The following EIPR1 variants were observed in gnomAD, a reference collection of about 807,000 sequenced individuals.
EIPR1 encodes the protein EARP and GARP complex-interacting protein 1.
Under a neutral mutation model 48.1 loss-of-function variants are expected in EIPR1, and 25 were observed. The observed-to-expected ratio is 0.52, with a 90% CI of 0.38 to 0.73. The LOEUF (loss-of-function observed/expected upper bound fraction) is 0.73. EIPR1 is among the 30% of genes least tolerant of loss of function. The pLI, the probability that EIPR1 is intolerant of heterozygous loss-of-function variation, is 0.00. For missense variants in EIPR1, 415 were observed against 506.2 expected (o/e 0.82, Z 1.73); for synonymous variants, 204 against 201.9 (o/e 1.01, Z -0.09).
At chr2:3,272,248 T>G (rs971560282) in intron 3 of EIPR1, among the ~76,000 whole-genome samples, 2 of 152,250 alleles carry the variant, frequency 1.3e-5, no homozygotes, top group African/African-American at 4.8e-5. Flanking sequence ...GCAAGAAGGC[T>G]GTTTGGCTTT....
At chr2:3,196,773 C>T in intron 6 of EIPR1, 108 bp downstream of exon 6, 2 of 1,436,812 alleles carry the variant, frequency 1.4e-6, no homozygotes, top group South Asian at 2.9e-5. Flanking sequence ...TAAAGACAAA[C>T]CATGCGCCCC....
chr2:3,308,640 T>C (rs10179431), intron 3 of EIPR1, among the ~76,000 whole-genome samples: 53,514 of 152,058 alleles, frequency 0.35, 13,115 homozygotes, highest in African/African-American at 0.68. Flanking sequence ...TGAAGGACGT[T>C]GCCTACAGAT....
chr2:3,313,996 G>A (rs181268231), intron 3 of EIPR1, among the ~76,000 whole-genome samples: 2 of 152,294 alleles, frequency 1.3e-5, no homozygotes, highest in African/African-American at 4.8e-5. Context: ...TGGGACCCGG[G>A]GAGGGTGGCA....
chr2:3,199,893 TG>T lies in EIPR1; in HGVS notation c.517-2877del, dbSNP rs562250605. ...GGGTGTGTCTGCATCTGGGCAGGCA[TG>T]GGGGGTGTGTCTGCATCTGGGCACA... On this transcript the variant is annotated intron_variant, in intron 5 of 8. Transcript: ENST00000382125. Among the ~76,000 whole-genome samples, 455 of 53,210 alleles carry T rather than the reference TG, an allele frequency of 8.6e-3. 7 individuals carry two copies. Among genetic ancestry groups the T allele is most frequent in the African/African-American group, 0.033 (424 of 12,982 alleles). The allele number at this position is 53,210 out of a possible 152,430, so 34.9% of individuals were successfully genotyped here.
chr2:3,269,655 TCAATCATCACACTCAATCATCG>T (rs1667640038), intron 3 of EIPR1, among the ~76,000 whole-genome samples: 1 of 147,248 alleles, frequency 6.8e-6, no homozygotes, highest in Non-Finnish European at 1.5e-5. Flanking sequence ...ATCATCACAC[TCAATCATCACACTCAATCATCG>T]CAATCATCGC....
chr2:3,276,263 C>T (rs766988538), intron 3 of EIPR1, among the ~76,000 whole-genome samples: 10 of 152,280 alleles, frequency 6.6e-5, no homozygotes, highest in Admixed American at 2.0e-4. Context: ...TATTCTTTGA[C>T]GATTTATTGG....
At position 3,208,715 on chromosome 2, in the gene EIPR1, T is replaced by C. The variant is rs763731488; in HGVS notation, c.516+5434A>G. 9 of 1,550,040 alleles carry C rather than the reference T, an allele frequency of 5.8e-6. No homozygotes were observed. The Admixed American group carries it at 5.9e-5, about 10-fold the overall frequency. ...CCAGGAAACACTCGGCGGGTCCTTC[T>C]TCCATGCGTGAGGCTCGTGGCGGGT... On this transcript the variant is annotated intron_variant, in intron 5 of 8. Coordinates refer to ENST00000382125, the MANE Select transcript of EIPR1 (RefSeq NM_003310.5).
At chr2:3,347,587 T>G (rs1168915571) in intron 2 of EIPR1, among the ~76,000 whole-genome samples, 1 of 152,244 alleles carries the variant, frequency 6.6e-6, no homozygotes, top group Non-Finnish European at 1.5e-5. Flanking sequence ...CGGGTATGTC[T>G]TTATCAGCAG....
chr2:3,269,280 T>TC (rs1558263169), intron 3 of EIPR1, among the ~76,000 whole-genome samples: 19 of 138,420 alleles, frequency 1.4e-4, no homozygotes, highest in Non-Finnish European at 1.9e-4. Flanking sequence ...CACTCAGTCA[T>TC]GGCACTCAGT....
At position 3,236,280 on chromosome 2, in the gene EIPR1, T is replaced by G. The variant is rs573842380; in HGVS notation, c.416+21019A>C. On this transcript the variant is annotated intron_variant, in intron 4 of 8. Coordinates refer to ENST00000382125, the MANE Select transcript of EIPR1 (RefSeq NM_003310.5). ...AAAACAATGATTAAAGATGGGAAAC[T>G]GGGCTCAGAGAGTTCTGTTAAGGAA... is the stretch of plus-strand genomic sequence containing the variant. Among the ~76,000 whole-genome samples, 234 of 152,210 alleles carry G rather than the reference T, an allele frequency of 1.5e-3. 1 individual carries two copies. The highest frequency in any genetic ancestry group is 3.1e-3 in the Non-Finnish European group (210 of 67,996).
intron 3 of EIPR1, among the ~76,000 whole-genome samples, chr2:3,259,829 G>A (rs1667271571): frequency 6.6e-6 from 1 of 152,228 alleles, no homozygotes; most frequent in African/African-American, 2.4e-5. Flanking sequence ...GTGGAGAAAG[G>A]ATGGTCTTTT....
chr2:3,248,471 G>A (rs967284995), intron 4 of EIPR1, among the ~76,000 whole-genome samples: 9 of 152,218 alleles, frequency 5.9e-5, no homozygotes, highest in African/African-American at 2.2e-4. Context: ...GTGGGCGCCT[G>A]TAATCCCAGC....
intron 3 of EIPR1, among the ~76,000 whole-genome samples, chr2:3,269,217 G>A (rs923150140): frequency 2.0e-5 from 3 of 150,530 alleles, no homozygotes; most frequent in Admixed American, 6.6e-5. Flanking sequence ...CTCAATCATC[G>A]CACTCAATCA....
intron 3 of EIPR1, among the ~76,000 whole-genome samples, chr2:3,334,265 G>C (rs918307787): frequency 2.0e-5 from 3 of 152,224 alleles, no homozygotes; most frequent in Non-Finnish European, 2.9e-5. Context: ...TCTTTACAAA[G>C]AGATTTGTTA....
intron 3 of EIPR1, among the ~76,000 whole-genome samples, chr2:3,309,807 AC>A (rs1018625370): frequency 3.7e-4 from 56 of 152,026 alleles, no homozygotes; most frequent in African/African-American, 1.3e-3. Flanking sequence ...CTGTTCTAAC[AC>A]CCCCCTTACT....
At chr2:3,330,994 A>AGG (rs532577806) in intron 3 of EIPR1, among the ~76,000 whole-genome samples, 1 of 149,898 alleles carries the variant, frequency 6.7e-6, no homozygotes, top group East Asian at 2.0e-4. Context: ...GTGTGAGCAG[A>AGG]CAGGTGCACA....
intron 3 of EIPR1, among the ~76,000 whole-genome samples, chr2:3,332,480 T>C (rs950517954): frequency 6.6e-6 from 1 of 152,244 alleles, no homozygotes; most frequent in African/African-American, 2.4e-5. Flanking sequence ...CTGAAGGTTG[T>C]GCTGTTATTT....
chr2:3,288,553 C>G (rs563532569), intron 3 of EIPR1, among the ~76,000 whole-genome samples: 4 of 152,298 alleles, frequency 2.6e-5, no homozygotes, highest in Admixed American at 2.6e-4. Flanking sequence ...CTTCTGAGGA[C>G]AAAACCAGGG....
intron 1 of EIPR1, among the ~76,000 whole-genome samples, chr2:3,363,218 G>A (rs1670893017): frequency 6.6e-6 from 1 of 152,100 alleles, no homozygotes; most frequent in Non-Finnish European, 1.5e-5. Context: ...AAAGAAACGA[G>A]CACAGGTGCC....
Sources: gnomAD v4.1 joint callset for allele counts (sites outside exome capture counted in the v4.1 genomes callset) on GRCh38, gnomAD v4.1.1 for gene constraint, MANE v1.5 for transcripts, NCBI Gene and HGNC (gene_info 2026-07-23, HGNC 2026-07-21) for gene names.